DLG2: variants seen among roughly 807,000 people sequenced by gnomAD.
DLG2 encodes disks large homolog 2.
In DLG2, 45 loss-of-function variants were observed where a neutral mutation model predicts 132.5. That is an observed-to-expected ratio of 0.34 (90% CI 0.27 to 0.44). DLG2 has a LOEUF of 0.44. Ranked by LOEUF, DLG2 falls within the 20% of genes least tolerant of loss-of-function variation. The pLI is 1.00. For missense variants in DLG2, 1,045 were observed against 1,196.9 expected, an observed-to-expected ratio of 0.87 and a Z score of 1.87; for synonymous variants, 424 against 419.6, an observed-to-expected ratio of 1.01 and a Z score of -0.13.
At chr11:84,772,234 A>T (rs1012901276) in intron 6 of DLG2, among the ~76,000 whole-genome samples, 3 of 152,164 alleles carry the variant, frequency 2.0e-5, no homozygotes. Context: ...ACTATCCTCA[A>T]TATATATGCT....
At chr11:85,257,385 CAT>C (rs1287904907) in intron 4 of DLG2, among the ~76,000 whole-genome samples, 1 of 152,102 alleles carries the variant, frequency 6.6e-6, no homozygotes, top group East Asian at 1.9e-4. Flanking sequence ...AGAAAGAAAA[CAT>C]AATCTAGCTA....
chr11:84,704,526 C>T (rs1022640637), intron 6 of DLG2, among the ~76,000 whole-genome samples: 2 of 151,296 alleles, frequency 1.3e-5, no homozygotes, highest in African/African-American at 4.8e-5. Context: ...TAATAAGCAC[C>T]TACTATGTGT....
intron 3 of DLG2, among the ~76,000 whole-genome samples, chr11:85,590,934 G>T (rs116406540): frequency 1.1e-3 from 167 of 152,116 alleles, no homozygotes; most frequent in African/African-American, 3.9e-3. Context: ...CAAAATAAAA[G>T]ATTTTTTTCC....
intron 7 of DLG2, among the ~76,000 whole-genome samples, chr11:84,273,564 G>A (rs746909389): frequency 2.6e-5 from 4 of 152,120 alleles, no homozygotes; most frequent in Non-Finnish European, 5.9e-5. Flanking sequence ...TACCATAAGC[G>A]TGTAGGGGGA....
intron 6 of DLG2, among the ~76,000 whole-genome samples, chr11:84,583,389 T>C (rs548624546): frequency 1.3e-5 from 2 of 152,212 alleles, no homozygotes; most frequent in Non-Finnish European, 2.9e-5. Flanking sequence ...CTGTCATCTC[T>C]TTAAAGTAAA....
chr11:84,073,662 G>A (rs546429964), intron 10 of DLG2, among the ~76,000 whole-genome samples: 12 of 152,218 alleles, frequency 7.9e-5, no homozygotes, highest in African/African-American at 2.2e-4. Flanking sequence ...AAACTTTAGC[G>A]GTTAGGCTTT....
At chr11:83,502,046 T>C (rs562145909) in intron 21 of DLG2, among the ~76,000 whole-genome samples, 1 of 152,348 alleles carries the variant, frequency 6.6e-6, no homozygotes, top group East Asian at 1.9e-4. Context: ...AAAGTACTTG[T>C]CAATAATAAT....
chr11:84,845,220 A>G (rs1343180941), intron 6 of DLG2, among the ~76,000 whole-genome samples: 2 of 152,104 alleles, frequency 1.3e-5, no homozygotes, highest in African/African-American at 4.8e-5. Flanking sequence ...TGGTTATCCA[A>G]TTTATCTCCC....
chr11:83,763,001 C>T (rs1003890587), intron 18 of DLG2, among the ~76,000 whole-genome samples: 1 of 152,158 alleles, frequency 6.6e-6, no homozygotes, highest in African/African-American at 2.4e-5. Context: ...TCCCATCTGC[C>T]AGGTTGGCTT....
chr11:83,467,032 G>A (rs1429772206), intron 25 of DLG2, among the ~76,000 whole-genome samples: 1 of 152,194 alleles, frequency 6.6e-6, no homozygotes, highest in Non-Finnish European at 1.5e-5. Flanking sequence ...CTTACAAAGT[G>A]TCTGCTACTG....
At chr11:84,006,489 T>C (rs1460293468) in intron 11 of DLG2, among the ~76,000 whole-genome samples, 1 of 151,580 alleles carries the variant, frequency 6.6e-6, no homozygotes, top group Non-Finnish European at 1.5e-5. Context: ...TTACGATAAA[T>C]ACTTAAGTAT....
chr11:84,421,084 T>A (rs1386604373), intron 7 of DLG2, among the ~76,000 whole-genome samples: 2 of 152,114 alleles, frequency 1.3e-5, no homozygotes, highest in African/African-American at 4.8e-5. Context: ...TTGGTACTCT[T>A]ATAAGTTAGT....
chr11:84,859,509 T>A (rs754042133), intron 6 of DLG2, among the ~76,000 whole-genome samples: 5 of 148,720 alleles, frequency 3.4e-5, no homozygotes, highest in Admixed American at 6.8e-5. Flanking sequence ...ATATCTAAAC[T>A]TATATTGAAA....
chr11:84,516,826 T>C (rs545719664), intron 7 of DLG2, among the ~76,000 whole-genome samples: 5 of 151,022 alleles, frequency 3.3e-5, no homozygotes, highest in African/African-American at 2.4e-5. Context: ...ATCCTCAACA[T>C]AATATTAGCA....
intron 18 of DLG2, among the ~76,000 whole-genome samples, chr11:83,775,757 C>T (rs557246324): frequency 6.7e-6 from 1 of 149,710 alleles, no homozygotes; most frequent in South Asian, 2.1e-4. Flanking sequence ...CATTTAAATG[C>T]CTACTATTAG....
intron 19 of DLG2, among the ~76,000 whole-genome samples, chr11:83,613,960 C>A (rs1002115869): frequency 2.6e-5 from 4 of 152,068 alleles, no homozygotes; most frequent in African/African-American, 4.8e-5. Flanking sequence ...CTTCTTACCT[C>A]GAGCTAAGGT....
chr11:85,222,209 G>A (rs903917370), intron 4 of DLG2, among the ~76,000 whole-genome samples: 6 of 151,974 alleles, frequency 3.9e-5, no homozygotes, highest in South Asian at 2.1e-4. Context: ...CAAGTGATCC[G>A]CCTGTCTTGG....
intron 3 of DLG2, among the ~76,000 whole-genome samples, chr11:85,343,017 C>G (rs577162543): frequency 2.0e-5 from 3 of 151,204 alleles, no homozygotes; most frequent in African/African-American, 7.3e-5. Context: ...AACTTTAATG[C>G]TGTTTCGTAA....
chr11:84,555,559 T>C, intron 6 of DLG2, among the ~76,000 whole-genome samples: 1 of 152,180 alleles, frequency 6.6e-6, no homozygotes, highest in East Asian at 1.9e-4. Flanking sequence ...AATAGGTTGG[T>C]AATAAAAAGA....
Sources: gnomAD v4.1 joint callset for allele counts (sites outside exome capture counted in the v4.1 genomes callset) on GRCh38, gnomAD v4.1.1 for gene constraint, MANE v1.5 for transcripts, NCBI Gene and HGNC (gene_info 2026-07-23, HGNC 2026-07-21) for gene names.